The following VDR variants were observed in gnomAD, a reference collection of about 807,000 sequenced individuals.
VDR encodes the protein vitamin D receptor.
In VDR, 19 loss-of-function variants were observed where a neutral mutation model predicts 39.7. The ratio of observed to expected loss-of-function variants is 0.48; its 90% CI spans 0.33 to 0.70. The LOEUF is 0.70. Ranked by LOEUF, VDR falls within the 30% of genes least tolerant of loss-of-function variation. The probability of loss-of-function intolerance (pLI) is 0.02; values close to 1 mark genes in which losing one functional copy is unlikely to be tolerated. For missense variants in VDR, 442 were observed against 570.5 expected, an observed-to-expected ratio of 0.77 and a Z score of 2.29; for synonymous variants, 242 against 215.8, an observed-to-expected ratio of 1.12 and a Z score of -1.07.
Position 47,842,399 on chromosome 12 carries a change from G to A in VDR, c.*2347C>T, listed in dbSNP as rs1945187505. 6.6e-6 allele frequency: 1 copy of A among 152,356 alleles called. No homozygotes were observed. The highest frequency in any genetic ancestry group is 2.4e-5 in the African/African-American group (1 of 41,428). The allele number at this position is 152,356 out of a possible 1,614,324, so 9.4% of individuals were successfully genotyped here. A position where few individuals can be genotyped will look rare whatever the true frequency, so the allele number is the denominator to read the frequency against. The stretch of plus-strand genomic sequence containing the variant: ...TCAGCCACCTGGGGAATGAGAGTGG[G>A]GGTCTGAGCTCAAACATGGTGTAGT... On this transcript the variant is annotated 3_prime_UTR_variant, in exon 10 of 10. Transcript: ENST00000549336.
At chr12:47,873,111 G>A (rs1458283933) in intron 3 of VDR, among the ~76,000 whole-genome samples, 1 of 152,126 alleles carries the variant, frequency 6.6e-6, no homozygotes, top group African/African-American at 2.4e-5. Flanking sequence ...TCGAAGGAGG[G>A]GCCTGGTGGG....
At position 47,904,130 on chromosome 12, in the gene VDR, G is replaced by A. The variant is rs11168295; in HGVS notation, c.-84+825C>T. On this transcript the variant is annotated intron_variant, in intron 1 of 9. Transcript: ENST00000549336. ...GGAGGAGGAGGAGGAGGAGGAGAAGGAGGAGGAACTGTGAGAAGGGTCTGG... is the reference window on the plus strand; with the variant it reads ...GGAGGAGGAGGAGGAGGAGGAGAAGAAGGAGGAACTGTGAGAAGGGTCTGG... 2.3e-4 allele frequency among the ~76,000 whole-genome samples: 29 copies of A among 125,744 alleles called. No homozygotes were observed. The South Asian group carries it at 6.1e-3, about 26-fold the overall frequency. 82.5% of individuals were successfully genotyped at this position (125,744 alleles called of 152,430 possible). A position where few individuals can be genotyped will look rare whatever the true frequency, so the allele number is the denominator to read the frequency against.
At chr12:47,889,271 C>A (rs1946317981) in intron 1 of VDR, among the ~76,000 whole-genome samples, 1 of 152,126 alleles carries the variant, frequency 6.6e-6, no homozygotes, top group Admixed American at 6.5e-5. Context: ...CCCCAATCGC[C>A]TGCCTGAGCA....
At position 47,844,697 on chromosome 12, in the gene VDR, T is replaced by C; in HGVS notation, c.*49A>G. On this transcript the variant is annotated 3_prime_UTR_variant, in exon 10 of 10. Coordinates refer to ENST00000549336, the MANE Select transcript of VDR (RefSeq NM_000376.3). Reference sequence around the variant, plus strand: ...AGCCGCCAGCCCCGGGCCTGGCACGTGGCCCTGGAGGAGCAGCCCCACCCA... The same window carrying C: ...AGCCGCCAGCCCCGGGCCTGGCACGCGGCCCTGGAGGAGCAGCCCCACCCA... The C allele has an allele frequency of 6.2e-7, 1 of 1,611,836 alleles. No individual in the cohort carries two copies.
chr12:47,856,553 T>TA (rs1169710785), intron 6 of VDR, among the ~76,000 whole-genome samples: 2 of 145,644 alleles, frequency 1.4e-5, no homozygotes, highest in African/African-American at 2.5e-5. Flanking sequence ...CAATGCCATA[T>TA]AAAAAAAAGC....
At chr12:47,899,748 G>A (rs1592158193) in intron 1 of VDR, 1 of 305,964 alleles carries the variant, frequency 3.3e-6, no homozygotes, top group Non-Finnish European at 4.8e-6. Context: ...AGTGGTTACA[G>A]GCTGACTCTG....
chr12:47,902,004 C>T lies in VDR; in HGVS notation c.-84+2951G>A, dbSNP rs761805286. On this transcript the variant is annotated intron_variant, in intron 1 of 9. Coordinates refer to ENST00000549336, the MANE Select transcript of VDR (RefSeq NM_000376.3). The stretch of plus-strand genomic sequence containing the variant: ...AGGGAGCAGGCTAGGGTGTCGGGGG[C>T]TGTCCTCAGAATTAAGCTACCCCTG... 3.3e-5 allele frequency among the ~76,000 whole-genome samples: 5 copies of T among 152,222 alleles called. No homozygotes were observed. In the East Asian group the frequency reaches 7.7e-4, roughly 23 times the overall value.
In VDR at chr12:47,879,068, A is replaced by G; in HGVS notation, c.46T>C (p.Phe16Leu). ...CAGATCCGGGGCACGTTCCGGTCAA[A>G]GTCTCCAGGGTCAGGCAGGGAAGTG... is the stretch of plus-strand genomic sequence containing the variant. ...ASTSLPDPGD[F>L]DRNVPRICGV... The change falls in exon 3 of 10, where the codon TTT (phenylalanine) becomes CTT (leucine). Residue 16 changes from phenylalanine to leucine, a missense_variant. By Grantham distance (22) the Phe-to-Leu change is conservative. Transcript: ENST00000549336. 1.9e-6 allele frequency: 3 copies of G among 1,614,142 alleles called. No individual in the cohort carries two copies. The highest frequency in any genetic ancestry group is 1.7e-5 in the Admixed American group (1 of 60,026).
At chr12:47,882,653 CAGAA>C in intron 2 of VDR, 37 bp downstream of exon 2, 1 of 221,008 alleles carries the variant, frequency 4.5e-6, no homozygotes, top group Non-Finnish European at 7.4e-6. Flanking sequence ...CCCTTGAAAA[CAGAA>C]AGCCAGGGAA....
At chr12:47,882,636 A>ACCCCCC in intron 2 of VDR, 58 bp downstream of exon 2, 3 of 266,080 alleles carry the variant, frequency 1.1e-5, no homozygotes, top group South Asian at 2.5e-5. Context: ...CCTCCCCCCC[A>ACCCCCC]CCCCGCCCCT....
intron 3 of VDR, among the ~76,000 whole-genome samples, chr12:47,874,857 G>A (rs1461826802): frequency 1.3e-5 from 2 of 152,082 alleles, no homozygotes; most frequent in Non-Finnish European, 2.9e-5. Flanking sequence ...TACATATATG[G>A]ATCATCCACT....
intron 2 of VDR, 64 bp downstream of exon 2, chr12:47,882,630 C>T: frequency 1.8e-5 from 7 of 384,280 alleles, no homozygotes; most frequent in South Asian, 4.0e-5. Context: ...TATGCCCCTC[C>T]CCCCCACCCC....
chr12:47,881,261 G>A (rs1490545489), intron 2 of VDR, among the ~76,000 whole-genome samples: 2 of 151,962 alleles, frequency 1.3e-5, no homozygotes, highest in East Asian at 1.9e-4. Context: ...AAACAAAATA[G>A]CACATGTTCT....
At chr12:47,851,300 T>C (rs1015655468) in intron 7 of VDR, among the ~76,000 whole-genome samples, 6 of 152,096 alleles carry the variant, frequency 3.9e-5, no homozygotes, top group African/African-American at 1.4e-4. Flanking sequence ...ATGCATTTCA[T>C]TTGCAGTGCC....
intron 1 of VDR, among the ~76,000 whole-genome samples, chr12:47,892,891 A>C (rs1946395550): frequency 2.0e-5 from 3 of 152,220 alleles, no homozygotes; most frequent in African/African-American, 7.2e-5. Context: ...CCACGGAGAC[A>C]GGAAGGAGCA....
At chr12:47,893,775 C>T (rs754514659) in intron 1 of VDR, among the ~76,000 whole-genome samples, 17 of 152,222 alleles carry the variant, frequency 1.1e-4, no homozygotes, top group Non-Finnish European at 2.2e-4. Context: ...GCAAAATACA[C>T]GATGCTCACA....
intron 2 of VDR, among the ~76,000 whole-genome samples, chr12:47,879,334 G>A (rs944162193): frequency 1.8e-4 from 28 of 152,206 alleles, no homozygotes; most frequent in African/African-American, 6.8e-4. Flanking sequence ...TCAGAGCATG[G>A]CTTGGAATCA....
At chr12:47,870,111 A>G (rs1945821301) in intron 3 of VDR, among the ~76,000 whole-genome samples, 1 of 152,132 alleles carries the variant, frequency 6.6e-6, no homozygotes, top group Non-Finnish European at 1.5e-5. Context: ...CAGATCCCAG[A>G]GCTGGCCTTT....
chr12:47,869,617 G>A (rs73109883), intron 3 of VDR, among the ~76,000 whole-genome samples: 25,610 of 151,692 alleles, frequency 0.17, 2,528 homozygotes, highest in East Asian at 0.47. Context: ...GGGACTGGGT[G>A]CAGTGGCGTG....
Sources: allele counts gnomAD v4.1 joint callset (sites outside exome capture counted in the v4.1 genomes callset), GRCh38; gene constraint gnomAD v4.1.1; transcripts MANE v1.5; gene names NCBI Gene and HGNC (gene_info 2026-07-23, HGNC 2026-07-21).